DSCAM: variants seen among roughly 807,000 people sequenced by gnomAD.
DSCAM encodes DS cell adhesion molecule.
A neutral mutation model predicts 217.7 loss-of-function variants in DSCAM; 47 were observed. The ratio of observed to expected loss-of-function variants is 0.22; its 90% CI spans 0.17 to 0.28. DSCAM has a LOEUF of 0.28. DSCAM is among the 10% of genes least tolerant of loss of function. The probability of loss-of-function intolerance (pLI) is 1.00; values close to 1 mark genes in which losing one functional copy is unlikely to be tolerated. For missense variants in DSCAM, 2,080 were observed against 2,618.3 expected, an observed-to-expected ratio of 0.79 and a Z score of 4.49; for synonymous variants, 1,056 against 1,015.3, an observed-to-expected ratio of 1.04 and a Z score of -0.76.
Position 40,080,357 on chromosome 21 carries a change from AGAT to A in DSCAM, c.4232-20_4232-18del, listed in dbSNP as rs1477858479. The stretch of plus-strand genomic sequence containing the variant: ...GTATGTATCCTGCAGAGAATGAGAA[AGAT>A]TCACATGAGCACTGTGTTTGCTTTC... On this transcript the variant is annotated intron_variant, in intron 24 of 32. Coordinates refer to ENST00000400454, the MANE Select transcript of DSCAM (RefSeq NM_001389.5). 1 of 1,563,642 alleles carries A rather than the reference AGAT, an allele frequency of 6.4e-7. No homozygotes were observed. The highest frequency in any genetic ancestry group is 8.7e-7 in the Non-Finnish European group (1 of 1,149,284).
At chr21:40,099,630 T>C (rs2089725041) in intron 20 of DSCAM, among the ~76,000 whole-genome samples, 2 of 152,234 alleles carry the variant, frequency 1.3e-5, no homozygotes, top group African/African-American at 4.8e-5. Flanking sequence ...GATATTAAAG[T>C]TGACTCTTCC....
At chr21:40,697,348 A>C (rs1168730006) in intron 2 of DSCAM, among the ~76,000 whole-genome samples, 2 of 151,900 alleles carry the variant, frequency 1.3e-5, no homozygotes, top group African/African-American at 4.8e-5. Context: ...ATGTAATCCT[A>C]TTTGTCTATT....
At chr21:40,240,564 C>T (rs922920256) in intron 11 of DSCAM, among the ~76,000 whole-genome samples, 1 of 152,076 alleles carries the variant, frequency 6.6e-6, no homozygotes, top group African/African-American at 2.4e-5. Context: ...TATTTTCCAG[C>T]CTTCACGTTT....
chr21:40,652,547 T>C (rs566994903), intron 3 of DSCAM, among the ~76,000 whole-genome samples: 3 of 152,110 alleles, frequency 2.0e-5, no homozygotes, highest in South Asian at 2.1e-4. Flanking sequence ...CAAGGACCTA[T>C]CCACAGGAGG....
chr21:40,750,715 T>A (rs1402169360), intron 1 of DSCAM, among the ~76,000 whole-genome samples: 1 of 151,986 alleles, frequency 6.6e-6, no homozygotes, highest in Non-Finnish European at 1.5e-5. Context: ...TGATCTTCCT[T>A]CCCTGCCCTG....
At position 40,293,757 on chromosome 21, in the gene DSCAM, G is replaced by A. The variant is rs372217061; in HGVS notation, c.2182+2298C>T. Reference sequence around the variant, plus strand: ...GAAGAATTGCTTGAACCCAGGAGGCGGAGGTTGCAGTGAGCTGAGATCGCA... The same window carrying A: ...GAAGAATTGCTTGAACCCAGGAGGCAGAGGTTGCAGTGAGCTGAGATCGCA... On this transcript the variant is annotated intron_variant, in intron 10 of 32. Coordinates refer to ENST00000400454, the MANE Select transcript of DSCAM (RefSeq NM_001389.5). Among the ~76,000 whole-genome samples, 526 of 152,102 alleles carry A rather than the reference G, an allele frequency of 3.5e-3. 1 individual carries two copies. Among genetic ancestry groups the A allele is most frequent in the Non-Finnish European group, 6.2e-3 (419 of 67,986 alleles).
chr21:40,505,596 A>C (rs1252467244), intron 3 of DSCAM, among the ~76,000 whole-genome samples: 1 of 152,234 alleles, frequency 6.6e-6, no homozygotes, highest in Non-Finnish European at 1.5e-5. Context: ...AATGTCCTAC[A>C]CTTGATAAAC....
At chr21:40,199,823 T>C (rs1274641534) in intron 11 of DSCAM, among the ~76,000 whole-genome samples, 2 of 152,102 alleles carry the variant, frequency 1.3e-5, no homozygotes, top group African/African-American at 2.4e-5. Context: ...ATCTAATGCA[T>C]GCAGGGCTTA....
intron 10 of DSCAM, among the ~76,000 whole-genome samples, chr21:40,280,538 T>A (rs924630162): frequency 6.6e-6 from 1 of 152,158 alleles, no homozygotes; most frequent in Admixed American, 6.5e-5. Flanking sequence ...TGGTTGATTT[T>A]GAAAAATAAT....
chr21:40,227,431 A>G (rs2091343462), intron 11 of DSCAM, among the ~76,000 whole-genome samples: 2 of 152,200 alleles, frequency 1.3e-5, no homozygotes, highest in African/African-American at 4.8e-5. Flanking sequence ...CTGTCACAAG[A>G]CTGAGGCTGA....
At chr21:40,175,770 A>AGCACACACAC (rs1555886068) in intron 15 of DSCAM, among the ~76,000 whole-genome samples, 5 of 126,354 alleles carry the variant, frequency 4.0e-5, no homozygotes, top group African/African-American at 1.6e-4. Context: ...ATATTTTCTC[A>AGCACACACAC]ACACACACAT....
chr21:40,729,667 G>A (rs1240995892), intron 1 of DSCAM, among the ~76,000 whole-genome samples: 1 of 151,838 alleles, frequency 6.6e-6, no homozygotes, highest in African/African-American at 2.4e-5. Flanking sequence ...TTCTTTTTTT[G>A]TTGTGTTCTA....
intron 3 of DSCAM, among the ~76,000 whole-genome samples, chr21:40,462,767 G>A (rs2075816278): frequency 6.6e-6 from 1 of 152,106 alleles, no homozygotes; most frequent in Admixed American, 6.5e-5. Flanking sequence ...TTAATCCCTA[G>A]ATGATTCTAA....
At chr21:40,229,708 G>A (rs1384522167) in intron 11 of DSCAM, among the ~76,000 whole-genome samples, 4 of 152,146 alleles carry the variant, frequency 2.6e-5, no homozygotes, top group South Asian at 2.1e-4. Flanking sequence ...TTCTACTGTC[G>A]AGAGATGTAC....
intron 1 of DSCAM, among the ~76,000 whole-genome samples, chr21:40,815,737 T>C (rs1314306660): frequency 6.6e-6 from 1 of 152,202 alleles, no homozygotes; most frequent in South Asian, 2.1e-4. Flanking sequence ...ATTTAGGTTA[T>C]CATACTGTTC....
chr21:40,799,648 T>G (rs1301783163), intron 1 of DSCAM, among the ~76,000 whole-genome samples: 2 of 152,248 alleles, frequency 1.3e-5, no homozygotes, highest in East Asian at 1.9e-4. Flanking sequence ...AAAGTCTTTT[T>G]CAGCTTGTAA....
intron 16 of DSCAM, among the ~76,000 whole-genome samples, chr21:40,158,125 C>T (rs1437734067): frequency 6.6e-6 from 1 of 152,164 alleles, no homozygotes; most frequent in Non-Finnish European, 1.5e-5. Context: ...TGGCTCATGC[C>T]TGTAATCACA....
intron 3 of DSCAM, among the ~76,000 whole-genome samples, chr21:40,454,829 G>T (rs932132203): frequency 6.6e-6 from 1 of 152,184 alleles, no homozygotes; most frequent in Non-Finnish European, 1.5e-5. Flanking sequence ...CTCCTTTCGA[G>T]TGTGTGGCAC....
chr21:40,329,656 A>T (rs139184829), intron 8 of DSCAM, among the ~76,000 whole-genome samples: 6 of 137,740 alleles, frequency 4.4e-5, no homozygotes, highest in Non-Finnish European at 7.9e-5. Context: ...AAATAAATAA[A>T]TAATAAAAAT....
Sources: allele counts gnomAD v4.1 joint callset (sites outside exome capture counted in the v4.1 genomes callset), GRCh38; gene constraint gnomAD v4.1.1; transcripts MANE v1.5; gene names NCBI Gene and HGNC (gene_info 2026-07-23, HGNC 2026-07-21).